The following OTOGL variants were observed in gnomAD, a reference collection of about 807,000 sequenced individuals.
OTOGL encodes the protein otogelin like.
A neutral mutation model predicts 318.5 loss-of-function variants in OTOGL; 285 were observed. That is an observed-to-expected ratio of 0.89 (90% CI 0.81 to 0.99). OTOGL has a LOEUF of 0.99. OTOGL is among the 50% of genes least tolerant of loss of function. The pLI, the probability that OTOGL is intolerant of heterozygous loss-of-function variation, is 0.00. For missense variants in OTOGL, 2,899 were observed against 2,845.6 expected (o/e 1.02, Z -0.43); for synonymous variants, 987 against 936.5 (o/e 1.05, Z -0.99).
intron 52 of OTOGL, among the ~76,000 whole-genome samples, chr12:80,359,139 T>C (rs1890093519): frequency 6.6e-6 from 1 of 152,154 alleles, no homozygotes; most frequent in African/African-American, 2.4e-5. Flanking sequence ...GCTAATCTTA[T>C]ATCTACTTCA....
chr12:80,221,716 G>A (rs929525592), intron 6 of OTOGL, among the ~76,000 whole-genome samples: 5 of 152,154 alleles, frequency 3.3e-5, no homozygotes, highest in African/African-American at 1.2e-4. Flanking sequence ...TGCTGTATAT[G>A]CTAATCTTTA....
chr12:80,210,048 A>G (rs1234089823), intron 2 of OTOGL, among the ~76,000 whole-genome samples: 1 of 152,048 alleles, frequency 6.6e-6, no homozygotes, highest in East Asian at 1.9e-4. Context: ...TTTTATGGTA[A>G]TTTTATTAAT....
intron 16 of OTOGL, among the ~76,000 whole-genome samples, chr12:80,255,672 A>G (rs1353909344): frequency 6.6e-6 from 1 of 151,972 alleles, no homozygotes; most frequent in Non-Finnish European, 1.5e-5. Flanking sequence ...ATATTGGAAT[A>G]TTTATTTAGA....
At chr12:80,307,916 G>GA (rs1886308559) in intron 29 of OTOGL, among the ~76,000 whole-genome samples, 1 of 138,634 alleles carries the variant, frequency 7.2e-6, no homozygotes, top group African/African-American at 3.1e-5. Context: ...TGGCCGGGCG[G>GA]GGGCTGACCC....
rs534463602 is a variant in OTOGL, at chr12:80,290,615, A to G, written c.2929-6212A>G. Among the ~76,000 whole-genome samples the G allele has an allele frequency of 3.3e-5, 5 of 152,308 alleles. No homozygotes were observed. The South Asian group carries it at 8.3e-4, about 25-fold the overall frequency. ...ACTGTTAAAGATGTTTGTTTATGGT[A>G]TCATTTTAAGTAGTAACACAAAGAT... On this transcript the variant is annotated intron_variant, in intron 26 of 58. Transcript: ENST00000547103.
rs879685678 is a variant in OTOGL at position 80,367,615 on chromosome 12, C to G, written c.6386C>G (p.Ser2129Cys). Residue 2129 changes from serine to cysteine, a missense_variant, in exon 54 of 59, where the codon TCC becomes TGC. Physicochemically the swap from Ser to Cys is moderately radical, Grantham distance 112. Coordinates refer to ENST00000547103, the MANE Select transcript of OTOGL (RefSeq NM_001378609.3). ...GTATCAGTATTGAATCCTGGACAAT[C>G]CATGATAAAGTATTTGGAAGAAGAC... ...QEVSVLNPGQ[S>C]MIKYLEEDFC... 1 of 1,545,322 alleles carries G rather than the reference C, an allele frequency of 6.5e-7. No homozygotes were observed.
At chr12:80,344,051 G>C (rs548989297) in intron 44 of OTOGL, among the ~76,000 whole-genome samples, 2 of 152,238 alleles carry the variant, frequency 1.3e-5, no homozygotes, top group South Asian at 2.1e-4. Context: ...GGGAAAAGAC[G>C]AAAGTATGAA....
At chr12:80,349,403 A>T (rs1889401705) in intron 44 of OTOGL, among the ~76,000 whole-genome samples, 1 of 152,142 alleles carries the variant, frequency 6.6e-6, no homozygotes, top group Admixed American at 6.6e-5. Flanking sequence ...AATGCCCCAG[A>T]TGGTGATAGA....
intron 6 of OTOGL, among the ~76,000 whole-genome samples, chr12:80,221,473 T>C (rs1878330037): frequency 6.6e-6 from 1 of 152,034 alleles, no homozygotes; most frequent in Non-Finnish European, 1.5e-5. Context: ...TTCACCATGT[T>C]ACCCAGGCTG....
At chr12:80,174,360 G>A (rs1009843112) in intron 1 of OTOGL, among the ~76,000 whole-genome samples, 9 of 152,168 alleles carry the variant, frequency 5.9e-5, no homozygotes, top group Non-Finnish European at 1.2e-4. Context: ...TCTCTCGCCA[G>A]TCTCCCATTT....
intron 52 of OTOGL, chr12:80,366,196 C>A: frequency 4.0e-6 from 1 of 250,030 alleles, no homozygotes; most frequent in Non-Finnish European, 8.8e-6. Context: ...GGTGCAAAGG[C>A]AGTTCCATTC....
chr12:80,333,165 A>C, intron 38 of OTOGL, 87 bp downstream of exon 38: 1 of 1,196,852 alleles, frequency 8.4e-7, no homozygotes, highest in Non-Finnish European at 1.2e-6. Context: ...ATGCTACTAA[A>C]CTTTTTTTGA....
chr12:80,208,777 C>T (rs1287244598), intron 1 of OTOGL, among the ~76,000 whole-genome samples: 1 of 152,074 alleles, frequency 6.6e-6, no homozygotes, highest in Non-Finnish European at 1.5e-5. Flanking sequence ...AGAATATTAT[C>T]TTTTTTTAAA....
At chr12:80,271,611 A>G (rs1247566592) in intron 23 of OTOGL, 37 bp from the exon 24 acceptor site, 1 of 1,590,064 alleles carries the variant, frequency 6.3e-7, no homozygotes, top group East Asian at 2.3e-5. Context: ...GCCATGACAA[A>G]AAGTTAAGGA....
At chr12:80,342,883 C>A (rs915470376) in intron 44 of OTOGL, among the ~76,000 whole-genome samples, 11 of 151,904 alleles carry the variant, frequency 7.2e-5, no homozygotes, top group Admixed American at 7.2e-4. Flanking sequence ...TTAGATTTTT[C>A]TTTTCTTTTC....
chr12:80,278,315 A>C, intron 25 of OTOGL, 40 bp downstream of exon 25: 1 of 1,381,676 alleles, frequency 7.2e-7, no homozygotes, highest in Non-Finnish European at 1.0e-6. Context: ...TTTCCTAAGT[A>C]ATTGTGTAAA....
At chr12:80,132,986 C>G (rs558530782) in intron 1 of OTOGL, among the ~76,000 whole-genome samples, 12 of 152,224 alleles carry the variant, frequency 7.9e-5, no homozygotes, top group African/African-American at 2.9e-4. Context: ...TCTCCTGTTA[C>G]TTTTGTTTAA....
At chr12:80,204,065 A>G (rs1236358560) in intron 1 of OTOGL, among the ~76,000 whole-genome samples, 2 of 152,156 alleles carry the variant, frequency 1.3e-5, no homozygotes. Context: ...ACAATTTTGC[A>G]TGTAACTCAG....
chr12:80,228,185 A>G (rs1879043351), intron 7 of OTOGL, among the ~76,000 whole-genome samples: 2 of 152,304 alleles, frequency 1.3e-5, no homozygotes, highest in East Asian at 1.9e-4. Context: ...TCACACCTGT[A>G]ATCCCAGCAC....
Sources: allele counts gnomAD v4.1 joint callset (sites outside exome capture counted in the v4.1 genomes callset), GRCh38; gene constraint gnomAD v4.1.1; transcripts MANE v1.5; gene names NCBI Gene and HGNC (gene_info 2026-07-23, HGNC 2026-07-21).